TJP2: variants seen among roughly 807,000 people sequenced by gnomAD.
TJP2 encodes tight junction protein 2.
TJP2 carries 91 observed loss-of-function variants against 133.1 expected under a neutral mutation model. The observed-to-expected ratio is 0.68, with a 90% CI of 0.58 to 0.81. The LOEUF (loss-of-function observed/expected upper bound fraction) is 0.81, where lower values mean the gene tolerates loss of function less well. Ranked by LOEUF, TJP2 falls within the 40% of genes least tolerant of loss-of-function variation. The pLI is 0.00. For synonymous variants in TJP2, 592 were observed against 583.4 expected (o/e 1.01, Z -0.21); for missense variants, 1,541 against 1,565.6 (o/e 0.98, Z 0.26).
chr9:69,155,797 C>T (rs1466590569), intron 2 of TJP2, among the ~76,000 whole-genome samples: 1 of 152,198 alleles, frequency 6.6e-6, no homozygotes, highest in Non-Finnish European at 1.5e-5. Context: ...GTACTGCCCT[C>T]ACCCCCTTAA....
intron 1 of TJP2, among the ~76,000 whole-genome samples, chr9:69,184,251 G>A (rs3002375): frequency 0.91 from 138,439 of 152,226 alleles, 63,004 homozygotes; most frequent in Middle Eastern, 0.95. Flanking sequence ...TTGCCTTCAG[G>A]ACAAAGAAAA....
Position 69,226,141 on chromosome 9 carries a change from C to A in TJP2, c.1176C>A (p.Ile392=). 1.2e-6 allele frequency: 2 copies of A among 1,614,100 alleles called. No individual in the cohort carries two copies. The highest frequency in any genetic ancestry group is 1.3e-5 in the African/African-American group (1 of 75,038). The change falls in exon 7 of 23, where the codon ATC becomes ATA. Residue 392 remains isoleucine (I), a synonymous_variant. Transcript: ENST00000377245. ...LRDSQQTLIN[I]PSLNDSDSEI... ...ACAGCCAGCAGACCCTCATCAACAT[C>A]CCGTCATTAAATGACAGTGACTCAG...
At chr9:69,163,537 G>A (rs1462350010) in intron 2 of TJP2, among the ~76,000 whole-genome samples, 1 of 151,968 alleles carries the variant, frequency 6.6e-6, no homozygotes, top group Non-Finnish European at 1.5e-5. Flanking sequence ...TTGAGAGGCT[G>A]AGGTGGGAGG....
chr9:69,236,081 C>T lies in TJP2; in HGVS notation c.1834C>T (p.His612Tyr). The T allele has an allele frequency of 3.7e-6, 6 of 1,614,104 alleles. No individual in the cohort carries two copies. Among genetic ancestry groups the T allele is most frequent in the Non-Finnish European group, 5.1e-6 (6 of 1,180,030 alleles). Reference sequence around the variant, plus strand: ...AGGGGATTCGTTTTTTATAAGAAGCCACTTTGAATGTGAGAAGGAAACTCC... The same window carrying T: ...AGGGGATTCGTTTTTTATAAGAAGCTACTTTGAATGTGAGAAGGAAACTCC... ...GRGDSFFIRS[H>Y]FECEKETPQS... is the part of the protein sequence containing the mutation. The change falls in exon 13 of 23, where the codon CAC becomes TAC. Residue 612 changes from histidine to tyrosine, a missense_variant. His to Tyr is a moderately conservative substitution (Grantham distance 83). Transcript: ENST00000377245.
At chr9:69,229,127 T>G in intron 9 of TJP2, 57 bp from the exon 10 acceptor site, 8 of 1,515,222 alleles carry the variant, frequency 5.3e-6, no homozygotes. Flanking sequence ...TTTTTCTATT[T>G]AGAAACGCAC....
chr9:69,244,416 G>A (rs1254723309), intron 17 of TJP2, among the ~76,000 whole-genome samples: 1 of 152,052 alleles, frequency 6.6e-6, no homozygotes, highest in Non-Finnish European at 1.5e-5. Context: ...GCTGGGGAGG[G>A]GGAGGTAGCA....
intron 1 of TJP2, among the ~76,000 whole-genome samples, chr9:69,177,055 A>G (rs1292085841): frequency 6.6e-6 from 1 of 152,182 alleles, no homozygotes. Context: ...CCACCAGGGA[A>G]TTCCTTGCCT....
At position 69,254,430 on chromosome 9, in the gene TJP2, C is replaced by G. The variant is rs772448896; in HGVS notation, c.*56C>G. ...CTGCATGGCATCAGACTAGCCACTCCTGCCAGGCCGCCGGGATGGTTCTTC... is the reference window on the plus strand; with the variant it reads ...CTGCATGGCATCAGACTAGCCACTCGTGCCAGGCCGCCGGGATGGTTCTTC... On this transcript the variant is annotated 3_prime_UTR_variant, in exon 23 of 23. Transcript: ENST00000377245. 6.2e-7 allele frequency: 1 copy of G among 1,608,886 alleles called. No homozygotes were observed. Among genetic ancestry groups the G allele is most frequent in the African/African-American group, 1.3e-5 (1 of 74,834 alleles).
intron 1 of TJP2, among the ~76,000 whole-genome samples, chr9:69,197,520 T>C (rs137991570): frequency 6.6e-6 from 1 of 152,328 alleles, no homozygotes; most frequent in East Asian, 1.9e-4. Context: ...TTTTTCTTTT[T>C]TTCTACCATG....
intron 17 of TJP2, among the ~76,000 whole-genome samples, chr9:69,240,926 G>T (rs7046545): frequency 0.85 from 128,742 of 152,162 alleles, 55,008 homozygotes; most frequent in African/African-American, 0.96. Flanking sequence ...AAAGTTCTTT[G>T]AGGAATGCAT....
intron 7 of TJP2, among the ~76,000 whole-genome samples, chr9:69,227,505 C>T (rs1208764787): frequency 6.6e-6 from 1 of 152,198 alleles, no homozygotes; most frequent in Non-Finnish European, 1.5e-5. Flanking sequence ...AATTTTGACT[C>T]TTCTGTAGCA....
chr9:69,148,823 CAT>C (rs1420817169), intron 1 of TJP2, among the ~76,000 whole-genome samples: 2 of 152,186 alleles, frequency 1.3e-5, no homozygotes, highest in African/African-American at 4.8e-5. Context: ...ATGATTTACA[CAT>C]GTGTATATTT....
At chr9:69,236,849 C>A in intron 13 of TJP2, 100 bp from the exon 14 acceptor site, 1 of 1,381,982 alleles carries the variant, frequency 7.2e-7, no homozygotes, top group Non-Finnish European at 1.0e-6. Context: ...GCGGAATCTT[C>A]TCTGAGCTCA....
At chr9:69,179,911 A>T (rs530094230) in intron 1 of TJP2, among the ~76,000 whole-genome samples, 57 of 152,298 alleles carry the variant, frequency 3.7e-4, no homozygotes, top group African/African-American at 1.2e-3. Flanking sequence ...ATCTTATGTC[A>T]CATTCTTGAG....
chr9:69,122,477 A>C (rs1822189048), intron 1 of TJP2, among the ~76,000 whole-genome samples: 1 of 152,218 alleles, frequency 6.6e-6, no homozygotes, highest in African/African-American at 2.4e-5. Context: ...ACATTTAAAC[A>C]ACAAAAAAAT....
chr9:69,252,450 C>T (rs2077338612), intron 21 of TJP2, among the ~76,000 whole-genome samples: 1 of 152,166 alleles, frequency 6.6e-6, no homozygotes, highest in Non-Finnish European at 1.5e-5. Context: ...CCCCGCAGTC[C>T]CTGGCACCCA....
intron 1 of TJP2, among the ~76,000 whole-genome samples, chr9:69,131,463 G>C (rs528296389): frequency 2.6e-5 from 4 of 152,266 alleles, no homozygotes; most frequent in Admixed American, 6.5e-5. Context: ...ACAAAGTCGA[G>C]AGAAACATCC....
intron 1 of TJP2, chr9:69,204,736 C>T (rs542971385): frequency 2.1e-4 from 158 of 738,764 alleles, no homozygotes; most frequent in Non-Finnish European, 2.5e-4. Flanking sequence ...TTCTAGCTGG[C>T]GTGTGTGTGT....
At chr9:69,240,802 T>TC (rs1830529109) in intron 17 of TJP2, among the ~76,000 whole-genome samples, 1 of 143,048 alleles carries the variant, frequency 7.0e-6, no homozygotes, top group African/African-American at 2.6e-5. Context: ...CCCTGTCTCT[T>TC]CAAAGAAAAA....
Sources: gnomAD v4.1 joint callset for allele counts (sites outside exome capture counted in the v4.1 genomes callset) on GRCh38, gnomAD v4.1.1 for gene constraint, MANE v1.5 for transcripts, NCBI Gene and HGNC (gene_info 2026-07-23, HGNC 2026-07-21) for gene names.